Variants in IL1RAPL1 observed in about 807,000 individuals in gnomAD.
IL1RAPL1 encodes interleukin-1 receptor accessory protein-like 1.
Under a neutral mutation model 48.4 loss-of-function variants are expected in IL1RAPL1, and 3 were observed. The observed-to-expected ratio is 0.06, with a 90% confidence interval of 0.03 to 0.16. The LOEUF is 0.16. IL1RAPL1 is among the 10% of genes least tolerant of loss of function. IL1RAPL1 has a pLI of 1.00. For missense variants in IL1RAPL1, 349 were observed against 530.6 expected (o/e 0.66, Z 3.36); for synonymous variants, 185 against 187.7 (o/e 0.99, Z 0.12).
intron 6 of IL1RAPL1, among the ~76,000 whole-genome samples, chrX:29,854,544 G>C (rs1409121485): frequency 9.0e-6 from 1 of 111,585 alleles, no homozygotes. Flanking sequence ...GGTCAGGATT[G>C]GGGGCTGGTC....
chrX:28,690,592 C>T (rs1464996686), intron 1 of IL1RAPL1, among the ~76,000 whole-genome samples: 2 of 110,825 alleles, frequency 1.8e-5, no homozygotes, highest in East Asian at 2.9e-4. Context: ...ACTATAGGAC[C>T]GTATATATAC....
At chrX:28,961,405 A>C (rs1924772895) in intron 2 of IL1RAPL1, among the ~76,000 whole-genome samples, 2 of 111,219 alleles carry the variant, frequency 1.8e-5, no homozygotes, top group South Asian at 7.7e-4. Context: ...ATAGGTATAC[A>C]CGTGCCATGG....
chrX:29,503,159 A>T (rs185202760), intron 5 of IL1RAPL1, among the ~76,000 whole-genome samples: 119 of 110,494 alleles, frequency 1.1e-3, no homozygotes, highest in Non-Finnish European at 1.8e-3. Flanking sequence ...TTGGTTCCTG[A>T]TTTTATTTAT....
chrX:29,235,872 C>T (rs964861849), intron 2 of IL1RAPL1, among the ~76,000 whole-genome samples: 6 of 111,937 alleles, frequency 5.4e-5, no homozygotes, highest in East Asian at 2.8e-4. Flanking sequence ...TCTTTTCTCC[C>T]GGAGGTATGG....
intron 2 of IL1RAPL1, among the ~76,000 whole-genome samples, chrX:29,184,355 C>T: frequency 8.9e-6 from 1 of 111,809 alleles, no homozygotes; most frequent in Non-Finnish European, 1.9e-5. Flanking sequence ...GGACATATGA[C>T]ATTTGATGAA....
intron 5 of IL1RAPL1, among the ~76,000 whole-genome samples, chrX:29,619,527 C>G (rs1924394913): frequency 9.0e-6 from 1 of 111,533 alleles, no homozygotes; most frequent in African/African-American, 3.2e-5. Flanking sequence ...TGAATTATAG[C>G]CCATCTGCAT....
intron 5 of IL1RAPL1, among the ~76,000 whole-genome samples, chrX:29,485,906 G>C (rs1003152417): frequency 9.0e-6 from 1 of 111,180 alleles, no homozygotes; most frequent in Non-Finnish European, 1.9e-5. Flanking sequence ...TGCTCAACAA[G>C]AGTATTAACA....
chrX:28,984,436 G>T (rs1406764426), intron 2 of IL1RAPL1, among the ~76,000 whole-genome samples: 1 of 110,958 alleles, frequency 9.0e-6, no homozygotes, highest in African/African-American at 3.3e-5. Context: ...CACATAAAAC[G>T]ACCTATAAGA....
At chrX:29,449,500 A>G (rs1602240180) in intron 5 of IL1RAPL1, among the ~76,000 whole-genome samples, 1 of 110,825 alleles carries the variant, frequency 9.0e-6, no homozygotes, top group African/African-American at 3.3e-5. Context: ...ACTAAAAGGA[A>G]TAATTTTAAC....
intron 6 of IL1RAPL1, among the ~76,000 whole-genome samples, chrX:29,832,903 G>A (rs1380570590): frequency 9.1e-6 from 1 of 110,178 alleles, no homozygotes; most frequent in Non-Finnish European, 1.9e-5. Flanking sequence ...GGTACACGCT[G>A]CTCCTGTATG....
intron 2 of IL1RAPL1, among the ~76,000 whole-genome samples, chrX:29,180,613 G>A (rs2147520269): frequency 9.0e-6 from 1 of 110,836 alleles, no homozygotes; most frequent in Non-Finnish European, 1.9e-5. Context: ...CTGACCTCAG[G>A]TGATCTGCCC....
chrX:29,132,721 A>T (rs1341407689), intron 2 of IL1RAPL1, among the ~76,000 whole-genome samples: 2 of 111,984 alleles, frequency 1.8e-5, no homozygotes, highest in Non-Finnish European at 3.8e-5. Context: ...TAAAGCTCTA[A>T]GCCAGGCTTT....
chrX:29,805,140 C>G (rs1360350037), intron 6 of IL1RAPL1, among the ~76,000 whole-genome samples: 1 of 111,548 alleles, frequency 9.0e-6, no homozygotes, highest in Non-Finnish European at 1.9e-5. Flanking sequence ...ACTATTTCTA[C>G]TTTTCATACA....
chrX:29,396,831 A>G (rs1241004946), intron 4 of IL1RAPL1, among the ~76,000 whole-genome samples: 1 of 111,915 alleles, frequency 8.9e-6, no homozygotes, highest in African/African-American at 3.2e-5. Flanking sequence ...TTTTTCCAGG[A>G]TAAAATCGTA....
intron 2 of IL1RAPL1, among the ~76,000 whole-genome samples, chrX:29,139,888 A>C (rs1018541774): frequency 8.9e-6 from 1 of 111,807 alleles, no homozygotes; most frequent in Non-Finnish European, 1.9e-5. Context: ...ATTAAGGTTG[A>C]AACTTAAAGA....
intron 2 of IL1RAPL1, among the ~76,000 whole-genome samples, chrX:29,274,935 C>T (rs760173391): frequency 2.7e-5 from 3 of 110,832 alleles, no homozygotes; most frequent in East Asian, 2.8e-4. Context: ...CAATTCTTCC[C>T]ACATTTCCTT....
intron 1 of IL1RAPL1, among the ~76,000 whole-genome samples, chrX:28,669,793 A>G (rs1177847340): frequency 9.6e-6 from 1 of 104,695 alleles, no homozygotes; most frequent in Non-Finnish European, 1.9e-5. Flanking sequence ...TTGTATATAT[A>G]TATATCCCCT....
intron 6 of IL1RAPL1, among the ~76,000 whole-genome samples, chrX:29,749,217 T>C (rs1475007500): frequency 1.8e-5 from 2 of 111,811 alleles, no homozygotes; most frequent in East Asian, 5.6e-4. Context: ...GGGATATTGT[T>C]ATACTCACTC....
At chrX:29,775,701 T>C (rs1929179550) in intron 6 of IL1RAPL1, among the ~76,000 whole-genome samples, 1 of 111,494 alleles carries the variant, frequency 9.0e-6, no homozygotes, top group Admixed American at 9.5e-5. Flanking sequence ...AAAATAATGT[T>C]TGAGCTGACA....
Sources: gnomAD v4.1 joint callset for allele counts (sites outside exome capture counted in the v4.1 genomes callset) on GRCh38, gnomAD v4.1.1 for gene constraint, MANE v1.5 for transcripts, NCBI Gene and HGNC (gene_info 2026-07-23, HGNC 2026-07-21) for gene names.